THTPA: variants seen among roughly 807,000 people sequenced by gnomAD.
THTPA encodes thiamine triphosphatase.
Under a neutral mutation model 16.5 loss-of-function variants are expected in THTPA, and 16 were observed. That is an observed-to-expected ratio of 0.97 (90% CI 0.66 to 1.47). The LOEUF (loss-of-function observed/expected upper bound fraction) is 1.47. Among genes scored for constraint, THTPA ranks in the 40% most tolerant of loss-of-function variants. THTPA has a pLI of 0.00. For synonymous variants in THTPA, 110 were observed against 115.5 expected, an observed-to-expected ratio of 0.95 and a Z score of 0.30; for missense variants, 281 against 280.9, an observed-to-expected ratio of 1.00 and a Z score of 0.00.
chr14:23,523,845 A>T, the THTPA span: 1 of 1,536,134 alleles, frequency 6.5e-7, no homozygotes, highest in Non-Finnish European at 8.7e-7. This position sits in a 1 kb window ranked among gnomAD's most constrained non-coding sequence, Gnocchi z 4.1. Context: ...GAAGCAGATG[A>T]ATCACTCAGA....
the THTPA span, chr14:23,532,174 T>G: frequency 6.6e-6 from 1 of 151,558 alleles, no homozygotes; most frequent in Non-Finnish European, 1.4e-5. Flanking sequence ...TTCCCTCCTA[T>G]GGCCACCTAA....
chr14:23,556,627 G>A lies in THTPA; in HGVS notation c.-131G>A. On this transcript the variant is annotated 5_prime_UTR_variant, in exon 1 of 2. Coordinates refer to ENST00000288014, the MANE Select transcript of THTPA (RefSeq NM_024328.6). Reference sequence around the variant, plus strand: ...AAGGGCAGTAGCCCTAGAGACTATTGCGACACAGTGTGCCCCTCATAAGTT... The same window carrying A: ...AAGGGCAGTAGCCCTAGAGACTATTACGACACAGTGTGCCCCTCATAAGTT... 5 of 914,678 alleles carry A rather than the reference G, an allele frequency of 5.5e-6. No homozygotes were observed. Among genetic ancestry groups the A allele is most frequent in the Non-Finnish European group, 8.1e-6 (5 of 618,416 alleles). 56.7% of individuals were successfully genotyped at this position (914,678 alleles called of 1,614,324 possible).
At chr14:23,550,499 G>A in the THTPA span, among the ~76,000 whole-genome samples, 2 of 152,172 alleles carry the variant, frequency 1.3e-5, no homozygotes, top group African/African-American at 4.8e-5. Context: ...GGTCACAAGT[G>A]GAGACAGTGA....
Position 23,559,719 on chromosome 14 carries a change from A to C in THTPA, c.*879A>C. On this transcript the variant is annotated 3_prime_UTR_variant, in exon 2 of 2. Transcript: ENST00000288014. ...TGGGGCCCCCTGGGGTTTGGGACACAGGAGAATTTCAGGCTGTGAGTGGAG... is the reference window on the plus strand; with the variant it reads ...TGGGGCCCCCTGGGGTTTGGGACACCGGAGAATTTCAGGCTGTGAGTGGAG... The C allele has an allele frequency of 1.9e-6, 3 of 1,609,598 alleles. No homozygotes were observed. The highest frequency in any genetic ancestry group is 2.5e-6 in the Non-Finnish European group (3 of 1,176,804).
chr14:23,522,448 T>C, the THTPA span: 1 of 1,536,262 alleles, frequency 6.5e-7, no homozygotes, highest in Non-Finnish European at 8.7e-7. Flanking sequence ...GTGCTGTGGC[T>C]GTGGGCTCAG....
At chr14:23,518,186 G>A in the THTPA span, among the ~76,000 whole-genome samples, 2 of 152,156 alleles carry the variant, frequency 1.3e-5, no homozygotes, top group African/African-American at 4.8e-5. This position sits in a 1 kb window ranked among gnomAD's most constrained non-coding sequence, Gnocchi z 4.5. Flanking sequence ...CACTGGTGTA[G>A]TTATATATAT....
At chr14:23,523,060 C>T in the THTPA span, 35 of 1,405,150 alleles carry the variant, frequency 2.5e-5, no homozygotes, top group Admixed American at 3.8e-4. This position sits in a 1 kb window ranked among gnomAD's most constrained non-coding sequence, Gnocchi z 4.1. Flanking sequence ...ATGCCCCTTC[C>T]CTCCCTTCTT....
the THTPA span, chr14:23,527,901 CTTTTTTTTTTTT>C: frequency 8.9e-6 from 4 of 448,794 alleles, no homozygotes; most frequent in Non-Finnish European, 1.1e-5. Flanking sequence ...GCCCCCACTC[CTTTTTTTTTTTT>C]TTTTTTTTTT....
chr14:23,524,060 C>T, the THTPA span: 14 of 1,517,738 alleles, frequency 9.2e-6, no homozygotes, highest in Middle Eastern at 1.7e-4. The surrounding 1 kb of genome is among the most constrained non-coding windows in gnomAD (Gnocchi z 5.6). Context: ...AGGTGCTTCC[C>T]TCTTTGGGGC....
Position 23,559,004 on chromosome 14 carries a change from C to T in THTPA, c.*164C>T, listed in dbSNP as rs1177423718. ...TAAGCTACTCTTCCTTGAGCCCTCC[C>T]TGGCTGCTTCCTCTCGCTCATCCGT... On this transcript the variant is annotated 3_prime_UTR_variant, in exon 2 of 2. Coordinates refer to ENST00000288014, the MANE Select transcript of THTPA (RefSeq NM_024328.6). 1 of 836,362 alleles carries T rather than the reference C, an allele frequency of 1.2e-6. No individual in the cohort carries two copies. Among genetic ancestry groups the T allele is most frequent in the Non-Finnish European group, 1.8e-6 (1 of 552,442 alleles). 51.8% of individuals were successfully genotyped at this position (836,362 alleles called of 1,614,324 possible).
At chr14:23,520,354 T>C in the THTPA span, among the ~76,000 whole-genome samples, 1 of 144,120 alleles carries the variant, frequency 6.9e-6, no homozygotes, top group African/African-American at 2.6e-5. This position sits in a 1 kb window ranked among gnomAD's most constrained non-coding sequence, Gnocchi z 8.7. Context: ...AAAAGGAGAC[T>C]GGGGGGAAGG....
At chr14:23,526,208 T>C in the THTPA span, 8 of 1,536,408 alleles carry the variant, frequency 5.2e-6, no homozygotes, top group Non-Finnish European at 7.0e-6. Context: ...AAAGGGCTTG[T>C]CTGTGGCAGC....
chr14:23,523,778 C>A, the THTPA span: 1 of 1,536,218 alleles, frequency 6.5e-7, no homozygotes, highest in Non-Finnish European at 8.7e-7. This position sits in a 1 kb window ranked among gnomAD's most constrained non-coding sequence, Gnocchi z 4.1. Flanking sequence ...CCCAGTCCCA[C>A]CTCCAGGTCC....
the THTPA span, chr14:23,526,966 G>A: frequency 1.3e-5 from 19 of 1,514,222 alleles, no homozygotes; most frequent in East Asian, 4.7e-4. Flanking sequence ...CATTTCTACA[G>A]TTGTAGCCTG....
In THTPA at chr14:23,559,072, C is replaced by A. The variant is rs2139012206; in HGVS notation, c.*232C>A. The A allele has an allele frequency of 1.8e-6, 1 of 545,420 alleles. No individual in the cohort carries two copies. Among genetic ancestry groups the A allele is most frequent in the East Asian group, 3.2e-5 (1 of 31,532 alleles). The allele number at this position is 545,420 out of a possible 1,614,324, so 33.8% of individuals were successfully genotyped here. A position where few individuals can be genotyped will look rare whatever the true frequency, so the allele number is the denominator to read the frequency against. ...CCGCCCCTCTCCCCTGGCCGCTAAG[C>A]AGCCTCCATTGATTTCCGCTCGTGT... On this transcript the variant is annotated 3_prime_UTR_variant, in exon 2 of 2. Coordinates refer to ENST00000288014, the MANE Select transcript of THTPA (RefSeq NM_024328.6).
chr14:23,527,015 A>C, the THTPA span: 1 of 1,467,902 alleles, frequency 6.8e-7, no homozygotes, highest in Non-Finnish European at 9.0e-7. Flanking sequence ...ACCACCCCCC[A>C]CTGCCCCTAT....
the THTPA span, chr14:23,534,308 C>T: frequency 1.3e-6 from 2 of 1,535,644 alleles, no homozygotes; most frequent in Non-Finnish European, 1.7e-6. The surrounding 1 kb of genome is among the most constrained non-coding windows in gnomAD (Gnocchi z 4.5). Flanking sequence ...AGGGCCATAA[C>T]TTCTTCATCC....
chr14:23,536,723 A>T, the THTPA span, among the ~76,000 whole-genome samples: 3 of 152,228 alleles, frequency 2.0e-5, no homozygotes, highest in Non-Finnish European at 2.9e-5. Flanking sequence ...CAAGATAGTG[A>T]AACTAGAAAT....
chr14:23,531,602 G>C, the THTPA span: 2 of 1,526,618 alleles, frequency 1.3e-6, no homozygotes, highest in South Asian at 1.2e-5. Flanking sequence ...CATCGCGGTG[G>C]GCAGGTGTGC....
Sources: gnomAD v4.1 joint callset for allele counts (sites outside exome capture counted in the v4.1 genomes callset) on GRCh38, gnomAD v4.1.1 for gene constraint, Gnocchi (gnomAD v3.1) non-coding constraint, MANE v1.5 for transcripts, NCBI Gene and HGNC (gene_info 2026-07-23, HGNC 2026-07-21) for gene names.